RBM4B: variants seen among roughly 807,000 people sequenced by gnomAD.
The protein encoded by RBM4B is RNA-binding protein 4B.
A neutral mutation model predicts 28.5 loss-of-function variants in RBM4B; 13 were observed. That is an observed-to-expected ratio of 0.46 (90% CI 0.30 to 0.72). The LOEUF (loss-of-function observed/expected upper bound fraction) is 0.72, where lower values mean the gene tolerates loss of function less well. RBM4B is among the 30% of genes least tolerant of loss of function. The probability of loss-of-function intolerance (pLI) is 0.09; values close to 1 mark genes in which losing one functional copy is unlikely to be tolerated. For synonymous variants in RBM4B, 167 were observed against 179.1 expected, an observed-to-expected ratio of 0.93 and a Z score of 0.54; for missense variants, 387 against 477.6, an observed-to-expected ratio of 0.81 and a Z score of 1.77.
chr11:66,669,734 T>C (rs557150977), intron 2 of RBM4B, among the ~76,000 whole-genome samples: 84 of 152,338 alleles, frequency 5.5e-4, no homozygotes, highest in African/African-American at 2.0e-3. Context: ...GCATGCGCCA[T>C]TGCGCCCTGC....
rs1435341315 is a variant in RBM4B at position 66,665,042 on chromosome 11, AAGGG to A, written c.*542_*545del. 6.6e-6 allele frequency: 1 copy of A among 152,416 alleles called. No individual in the cohort carries two copies. Among genetic ancestry groups the A allele is most frequent in the East Asian group, 1.9e-4 (1 of 5,196 alleles). The allele number at this position is 152,416 out of a possible 1,614,324, so 9.4% of individuals were successfully genotyped here. A position where few individuals can be genotyped will look rare whatever the true frequency, so the allele number is the denominator to read the frequency against. On this transcript the variant is annotated 3_prime_UTR_variant, in exon 4 of 4. Transcript: ENST00000310046. The stretch of plus-strand genomic sequence containing the variant: ...TATTTGTCAAAAAATTTTTTTAAAA[AAGGG>A]AGGAGTGGAGTAAAACAAGGGTAAA...
intron 3 of RBM4B, chr11:66,666,591 C>A (rs980075963): frequency 1.4e-4 from 29 of 205,774 alleles, no homozygotes; most frequent in Non-Finnish European, 2.3e-4. Context: ...CCTAGCAATA[C>A]CTTTTGAAGA....
At chr11:66,670,447 C>T (rs1939425008) in intron 2 of RBM4B, among the ~76,000 whole-genome samples, 1 of 152,046 alleles carries the variant, frequency 6.6e-6, no homozygotes, top group Non-Finnish European at 1.5e-5. Context: ...TCTAGGAACC[C>T]ACACAAATGG....
At chr11:66,669,645 C>CA (rs1278339429) in intron 2 of RBM4B, among the ~76,000 whole-genome samples, 1 of 152,130 alleles carries the variant, frequency 6.6e-6, no homozygotes, top group Non-Finnish European at 1.5e-5. Flanking sequence ...AGGGTTTCTC[C>CA]ATGTTGGTCA....
chr11:66,674,908 G>A (rs1457592255), intron 2 of RBM4B, among the ~76,000 whole-genome samples: 1 of 152,130 alleles, frequency 6.6e-6, no homozygotes, highest in Non-Finnish European at 1.5e-5. Context: ...CATTCTGTAT[G>A]ACATTACTAG....
intron 2 of RBM4B, chr11:66,675,710 A>G (rs2135251142): frequency 6.6e-6 from 1 of 152,354 alleles, no homozygotes; most frequent in South Asian, 2.1e-4. Flanking sequence ...ACACTTGTAG[A>G]ACAGTGCTAT....
intron 3 of RBM4B, 27 bp from the exon 4 acceptor site, chr11:66,665,605 T>C: frequency 6.5e-7 from 1 of 1,535,860 alleles, no homozygotes; most frequent in Admixed American, 2.0e-5. Flanking sequence ...CACAAGAGGC[T>C]TACACAATGC....
rs561090877 is a variant in RBM4B, at chr11:66,674,391, A to AT, written c.412+2276dup. Among the ~76,000 whole-genome samples, 37 of 146,582 alleles carry AT rather than the reference A, an allele frequency of 2.5e-4. No homozygotes were observed. In the East Asian group the frequency reaches 4.8e-3, roughly 19 times the overall value. On this transcript the variant is annotated intron_variant, in intron 2 of 3. Transcript: ENST00000310046. Reference sequence around the variant, plus strand: ...AGGCGCCTGCCACCATGGCCGGCTAATTTTTTTTTTGTATTTTTAGTAGAG... The same window carrying AT: ...AGGCGCCTGCCACCATGGCCGGCTAATTTTTTTTTTTGTATTTTTAGTAGAG...
chr11:66,672,251 A>G (rs1207639904), intron 2 of RBM4B, among the ~76,000 whole-genome samples: 1 of 151,588 alleles, frequency 6.6e-6, no homozygotes, highest in East Asian at 2.0e-4. Flanking sequence ...TACTAAAAAA[A>G]TACAAAACAT....
chr11:66,672,851 CCTCT>C (rs905396075), intron 2 of RBM4B, among the ~76,000 whole-genome samples: 4 of 152,006 alleles, frequency 2.6e-5, no homozygotes, highest in African/African-American at 9.7e-5. Flanking sequence ...AAAGACTATG[CCTCT>C]CTATTATTAT....
In RBM4B at chr11:66,674,391, AT is replaced by A. The variant is rs561090877; in HGVS notation, c.412+2276del. Reference sequence around the variant, plus strand: ...AGGCGCCTGCCACCATGGCCGGCTAATTTTTTTTTTGTATTTTTAGTAGAGA... The same window carrying A: ...AGGCGCCTGCCACCATGGCCGGCTAATTTTTTTTTGTATTTTTAGTAGAGA... On this transcript the variant is annotated intron_variant, in intron 2 of 3. Transcript: ENST00000310046. Among the ~76,000 whole-genome samples the A allele has an allele frequency of 3.7e-3, 535 of 146,570 alleles. 6 individuals are homozygous for A. The highest frequency in any genetic ancestry group is 0.022 in the South Asian group (103 of 4,620).
chr11:66,666,040 AATG>A (rs910599879), intron 3 of RBM4B: 4 of 1,288,688 alleles, frequency 3.1e-6, no homozygotes, highest in Non-Finnish European at 3.2e-6. Flanking sequence ...AGCTTTCAGA[AATG>A]ATGGTCACAA....
chr11:66,665,870 G>A, intron 3 of RBM4B: 1 of 1,533,390 alleles, frequency 6.5e-7, no homozygotes, highest in Non-Finnish European at 8.7e-7. Flanking sequence ...GATAACCCCT[G>A]TGACAGAAGG....
intron 2 of RBM4B, chr11:66,675,997 G>A (rs1199663734): frequency 6.6e-6 from 1 of 152,582 alleles, no homozygotes; most frequent in East Asian, 1.9e-4. Flanking sequence ...TACGATGCTT[G>A]TACTGAAATT....
At chr11:66,673,940 C>G (rs1565095934) in intron 2 of RBM4B, among the ~76,000 whole-genome samples, 1 of 152,192 alleles carries the variant, frequency 6.6e-6, no homozygotes, top group African/African-American at 2.4e-5. Context: ...AAAAACGTCT[C>G]TATAACTAGG....
chr11:66,666,914 T>A (rs1939257887), intron 3 of RBM4B: 1 of 151,890 alleles, frequency 6.6e-6, no homozygotes, highest in African/African-American at 2.4e-5. Context: ...TTTTTAATTT[T>A]TTTTTTTTTT....
rs1939374289 is a variant in RBM4B at position 66,669,186 on chromosome 11, T to G, written c.518A>C (p.Lys173Thr). 6.2e-7 allele frequency: 1 copy of G among 1,614,060 alleles called. No individual in the cohort carries two copies. The highest frequency in any genetic ancestry group is 8.5e-7 in the Non-Finnish European group (1 of 1,180,032). The change falls in exon 3 of 4, where the codon AAA (lysine) becomes ACA (threonine). Residue 173 changes from lysine to threonine, a missense_variant. Lys to Thr is a moderately conservative substitution (Grantham distance 78, BLOSUM62 -1). Around this residue, in one of 2 missense-constraint regions of RBM4B, gnomAD observed 161 missense variants for 256.9 expected, o/e 0.63. Transcript: ENST00000310046. ...ACCCGTACGATCTACTGGGCACTCTTTGGACCAGTGCCCTTCTTTCCCACA... is the reference window on the plus strand; with the variant it reads ...ACCCGTACGATCTACTGGGCACTCTGTGGACCAGTGCCCTTCTTTCCCACA... The part of the protein sequence containing the change: ...YRCGKEGHWS[K>T]ECPVDRTGRV...
intron 3 of RBM4B, chr11:66,666,153 T>A: frequency 1.3e-6 from 1 of 753,130 alleles, no homozygotes; most frequent in Non-Finnish European, 2.0e-6. Flanking sequence ...GTAGTTCCCC[T>A]AATTGACCAA....
At position 66,669,153 on chromosome 11, in the gene RBM4B, G is replaced by A; in HGVS notation, c.551C>T (p.Ala184Val). Residue 184 changes from alanine (A) to valine (V), a missense_variant, in exon 3 of 4, where the codon GCA becomes GTA. Around this residue, in one of 2 missense-constraint regions of RBM4B, gnomAD observed 161 missense variants for 256.9 expected, o/e 0.63. Coordinates refer to ENST00000310046, the MANE Select transcript of RBM4B (RefSeq NM_031492.4). ...TTCATTATACTGCTCAGTAAAGTCT[G>A]CCACACGACCCGTACGATCTACTGG... The part of the protein sequence containing the change: ...ECPVDRTGRV[A>V]DFTEQYNEQY... 6.2e-7 allele frequency: 1 copy of A among 1,614,128 alleles called. No individual in the cohort carries two copies. The highest frequency in any genetic ancestry group is 8.5e-7 in the Non-Finnish European group (1 of 1,180,026).
Sources: allele counts gnomAD v4.1 joint callset (sites outside exome capture counted in the v4.1 genomes callset), GRCh38; gene constraint gnomAD v4.1.1; regional missense constraint gnomAD v4.1.1; transcripts MANE v1.5; gene names NCBI Gene and HGNC (gene_info 2026-07-23, HGNC 2026-07-21).